TTF2: variants seen among roughly 807,000 people sequenced by gnomAD.
The protein encoded by TTF2 is RNA polymerase II termination factor.
Under a neutral mutation model 142.4 loss-of-function variants are expected in TTF2, and 108 were observed. The observed-to-expected ratio is 0.76, with a 90% CI of 0.65 to 0.89. The LOEUF is 0.89. TTF2 is among the 40% of genes least tolerant of loss of function. The probability of loss-of-function intolerance (pLI) is 0.00; values close to 1 mark genes in which losing one functional copy is unlikely to be tolerated. For synonymous variants in TTF2, 483 were observed against 506.2 expected, an observed-to-expected ratio of 0.95 and a Z score of 0.61; for missense variants, 1,327 against 1,379.8, an observed-to-expected ratio of 0.96 and a Z score of 0.61.
rs187913750 is a variant in TTF2, at chr1:117,081,354, C to T, written c.1784-474C>T. On this transcript the variant is annotated intron_variant, in intron 9 of 22. Coordinates refer to ENST00000369466, the MANE Select transcript of TTF2 (RefSeq NM_003594.4). Reference sequence around the variant, plus strand: ...ATAAGCTCAGTGATTGGTACAATGACAGTACCCAAGAAATGTTCATTTATG... The same window carrying T: ...ATAAGCTCAGTGATTGGTACAATGATAGTACCCAAGAAATGTTCATTTATG... Among the ~76,000 whole-genome samples the T allele has an allele frequency of 3.4e-4, 52 of 152,266 alleles. No individual in the cohort carries two copies. In the East Asian group the frequency reaches 8.1e-3, roughly 24 times the overall value.
rs1044792106 is a variant in TTF2 at position 117,098,842 on chromosome 1, A to G, written c.3279A>G (p.Ser1093=). Residue 1093 remains serine, a synonymous_variant, in exon 22 of 23, where the codon TCA becomes TCG. Transcript: ENST00000369466. ...LFLLDMHWNP[S]LEDQACDRIY... is the part of the protein sequence containing the mutation. ...AGCTGTCTTCTAACAGGAATCCATC[A>G]CTTGAAGATCAAGCTTGTGACCGAA... 1.2e-6 allele frequency: 2 copies of G among 1,611,454 alleles called. No homozygotes were observed. Among genetic ancestry groups the G allele is most frequent in the African/African-American group, 1.3e-5 (1 of 74,238 alleles).
In TTF2 at chr1:117,070,006, C is replaced by G. The variant is rs138889105; in HGVS notation, c.219-3655C>G. On this transcript the variant is annotated intron_variant, in intron 3 of 22. Transcript: ENST00000369466. The surrounding 1 kb of genome is among the most constrained non-coding windows in gnomAD (Gnocchi z 4.2). ...TGCGAAAATATATTTCCACTGCATT[C>G]TTTGTTGATTTACAATATAATAAAA... Among the ~76,000 whole-genome samples, 1 of 152,304 alleles carries G rather than the reference C, an allele frequency of 6.6e-6. No individual in the cohort carries two copies. Among genetic ancestry groups the G allele is most frequent in the African/African-American group, 2.4e-5 (1 of 41,568 alleles).
intron 3 of TTF2, among the ~76,000 whole-genome samples, chr1:117,072,664 C>T (rs1656690837): frequency 6.6e-6 from 1 of 152,052 alleles, no homozygotes; most frequent in African/African-American, 2.4e-5. Context: ...ATCTCGTGAT[C>T]CGCCCACCTC....
chr1:117,090,204 C>A lies in TTF2; in HGVS notation c.2492C>A (p.Pro831His), dbSNP rs1557825275. The A allele has an allele frequency of 6.2e-7, 1 of 1,613,668 alleles. No homozygotes were observed. Among genetic ancestry groups the A allele is most frequent in the East Asian group, 2.2e-5 (1 of 44,868 alleles). ...GACCAGCTGGACTCTACTGGCAGAC[C>A]TTTGGTAATCAAGTTTGTACCTGTC... ...TKDQLDSTGR[P>H]LVILPQRKFQ... The change falls in exon 14 of 23, where the codon CCT (proline) becomes CAT (histidine). Residue 831 changes from proline to histidine, a missense_variant. By Grantham distance (77) the Pro-to-His change is moderately conservative. Transcript: ENST00000369466. The surrounding 1 kb of genome is among the most constrained non-coding windows in gnomAD (Gnocchi z 4.8).
intron 12 of TTF2, among the ~76,000 whole-genome samples, chr1:117,088,226 A>G (rs1009391386): frequency 6.6e-6 from 1 of 152,188 alleles, no homozygotes; most frequent in Admixed American, 6.5e-5. Context: ...CCATTGCTTA[A>G]GTGTGTATTT....
At position 117,090,136 on chromosome 1, in the gene TTF2, G is replaced by T. The variant is rs776199118; in HGVS notation, c.2424G>T (p.Arg808=). The stretch of plus-strand genomic sequence containing the variant: ...ATGGCTCAAAGAAAGGAGGAGAACG[G>T]TTAAGTATTTTAACCAAGAGCCTTT... ...VDNGSKKGGE[R]LSILTKSLLL... The change falls in exon 14 of 23, where the codon CGG becomes CGT. Residue 808 remains arginine, a synonymous_variant. Coordinates refer to ENST00000369466, the MANE Select transcript of TTF2 (RefSeq NM_003594.4). The surrounding 1 kb of genome is among the most constrained non-coding windows in gnomAD (Gnocchi z 4.8). 1 of 1,614,158 alleles carries T rather than the reference G, an allele frequency of 6.2e-7. No homozygotes were observed. The highest frequency in any genetic ancestry group is 1.7e-5 in the Admixed American group (1 of 60,016).
intron 16 of TTF2, 52 bp from the exon 17 acceptor site, chr1:117,091,765 A>C: frequency 6.3e-7 from 1 of 1,579,044 alleles, no homozygotes; most frequent in Non-Finnish European, 8.6e-7. Context: ...CTCTCTCCGT[A>C]TTTCTCTTTT....
In TTF2 at chr1:117,097,518, T is replaced by C. The variant is rs541452260; in HGVS notation, c.3269+85T>C. The C allele has an allele frequency of 1.9e-4, 222 of 1,182,638 alleles. 2 individuals carry two copies. In the African/African-American group the frequency reaches 2.9e-3, roughly 15 times the overall value. 73.3% of individuals were successfully genotyped at this position (1,182,638 alleles called of 1,614,324 possible). A position where few individuals can be genotyped will look rare whatever the true frequency, so the allele number is the denominator to read the frequency against. On this transcript the variant is annotated intron_variant, in intron 21 of 22. Coordinates refer to ENST00000369466, the MANE Select transcript of TTF2 (RefSeq NM_003594.4). The surrounding 1 kb of genome is among the most constrained non-coding windows in gnomAD (Gnocchi z 4.1). ...AGGGGCAGCAAGAACTGACTTCTTA[T>C]GTTGATTGCTGTGTTCGTATTGCAG...
chr1:117,071,290 A>G (rs1247252613), intron 3 of TTF2, among the ~76,000 whole-genome samples: 2 of 152,158 alleles, frequency 1.3e-5, no homozygotes, highest in East Asian at 3.8e-4. Context: ...AAATAATGCA[A>G]CATCCCATAC....
At chr1:117,072,257 A>AG (rs1012373934) in intron 3 of TTF2, among the ~76,000 whole-genome samples, 1 of 152,072 alleles carries the variant, frequency 6.6e-6, no homozygotes, top group African/African-American at 2.4e-5. Context: ...GAAGTAAGAT[A>AG]GGGTACTGTA....
chr1:117,098,856 C>G lies in TTF2; in HGVS notation c.3293C>G (p.Ala1098Gly). Residue 1098 changes from alanine to glycine, a missense_variant, in exon 22 of 23, where the codon GCT (alanine) becomes GGT (glycine). By Grantham distance (60) the Ala-to-Gly change is moderately conservative. Transcript: ENST00000369466. ...MHWNPSLEDQ[A>G]CDRIYRVGQQ... The stretch of plus-strand genomic sequence containing the variant: ...AGGAATCCATCACTTGAAGATCAAG[C>G]TTGTGACCGAATTTACCGAGTAGGG... 2 of 1,612,198 alleles carry G rather than the reference C, an allele frequency of 1.2e-6. No individual in the cohort carries two copies. Among genetic ancestry groups the G allele is most frequent in the Admixed American group, 3.3e-5 (2 of 59,782 alleles).
rs989775508 is a variant in TTF2 at position 117,103,971 on chromosome 1, A to C, written c.*2447A>C. 7.2e-6 allele frequency: 1 copy of C among 139,758 alleles called. No homozygotes were observed. The highest frequency in any genetic ancestry group is 2.4e-4 in the South Asian group (1 of 4,196). 8.7% of individuals were successfully genotyped at this position (139,758 alleles called of 1,614,324 possible). Reference sequence around the variant, plus strand: ...CGTCTCAAAAAAAAAAAAAAAAAAAAAGAGAGAGAAAAAAATCCTTACTTT... The same window carrying C: ...CGTCTCAAAAAAAAAAAAAAAAAAACAGAGAGAGAAAAAAATCCTTACTTT... On this transcript the variant is annotated 3_prime_UTR_variant, in exon 23 of 23. Transcript: ENST00000369466.
At chr1:117,065,336 G>T (rs902386121) in intron 3 of TTF2, among the ~76,000 whole-genome samples, 1 of 152,132 alleles carries the variant, frequency 6.6e-6, no homozygotes, top group Non-Finnish European at 1.5e-5. Context: ...TGTCAGCTGG[G>T]CGCGGCAATC....
chr1:117,081,989 T>C (rs367571387), intron 10 of TTF2, 42 bp downstream of exon 10: 2 of 1,613,018 alleles, frequency 1.2e-6, no homozygotes, highest in Non-Finnish European at 1.7e-6. Context: ...CCCTACGTCA[T>C]TTGAGCCACC....
rs1453183973 is a variant in TTF2, at chr1:117,084,026, G to T, written c.1912G>T (p.Asp638Tyr). Reference protein sequence around the residue: ...LTWLSKDDSCDFTSHGTLIIC... With the variant: ...LTWLSKDDSCYFTSHGTLIIC... ...TTTTTTCCCTTCTCAAGACTCTTGT[G>T]ACTTTACTTCCCATGGAACACTAAT... is the stretch of plus-strand genomic sequence containing the variant. The change falls in exon 11 of 23, where the codon GAC (aspartate) becomes TAC (tyrosine). Residue 638 changes from aspartate (D) to tyrosine (Y), a missense_variant. Coordinates refer to ENST00000369466, the MANE Select transcript of TTF2 (RefSeq NM_003594.4). The T allele has an allele frequency of 6.2e-7, 1 of 1,614,090 alleles. No individual in the cohort carries two copies. Among genetic ancestry groups the T allele is most frequent in the Non-Finnish European group, 8.5e-7 (1 of 1,179,996 alleles).
intron 10 of TTF2, 157 bp downstream of exon 10, chr1:117,082,104 G>T (rs746683095): frequency 1.2e-5 from 13 of 1,091,778 alleles, no homozygotes; most frequent in Non-Finnish European, 1.8e-5. Context: ...CATTTCTGAT[G>T]CTGAGTATGC....
rs1404736785 is a variant in TTF2 at position 117,087,116 on chromosome 1, G to A, written c.2160+594G>A. The stretch of plus-strand genomic sequence containing the variant: ...ATCCCAAGAACTCATTTTTCTATAT[G>A]TTATCCTTTTAGCCCAACGGGATAT... On this transcript the variant is annotated intron_variant, in intron 12 of 22. Coordinates refer to ENST00000369466, the MANE Select transcript of TTF2 (RefSeq NM_003594.4). This position sits in a 1 kb window ranked among gnomAD's most constrained non-coding sequence, Gnocchi z 4.8. Among the ~76,000 whole-genome samples, 1 of 152,022 alleles carries A rather than the reference G, an allele frequency of 6.6e-6. No individual in the cohort carries two copies. The highest frequency in any genetic ancestry group is 1.5e-5 in the Non-Finnish European group (1 of 67,984).
intron 10 of TTF2, 167 bp downstream of exon 10, chr1:117,082,114 C>A: frequency 1.9e-6 from 2 of 1,046,298 alleles, no homozygotes; most frequent in Non-Finnish European, 2.8e-6. Flanking sequence ...GCTGAGTATG[C>A]TAATTATAAG....
rs765466891 is a variant in TTF2 at position 117,070,382 on chromosome 1, T to C, written c.219-3279T>C. Among the ~76,000 whole-genome samples the C allele has an allele frequency of 1.3e-5, 2 of 152,262 alleles. No homozygotes were observed. Among genetic ancestry groups the C allele is most frequent in the Non-Finnish European group, 2.9e-5 (2 of 68,032 alleles). ...AGAACTGTACAGTGTGTTACTTTACTGAATACTGCAGGCATTTGTAACACA... is the reference window on the plus strand; with the variant it reads ...AGAACTGTACAGTGTGTTACTTTACCGAATACTGCAGGCATTTGTAACACA... On this transcript the variant is annotated intron_variant, in intron 3 of 22. Transcript: ENST00000369466. This position sits in a 1 kb window ranked among gnomAD's most constrained non-coding sequence, Gnocchi z 4.2.
Sources: gnomAD v4.1 joint callset for allele counts (sites outside exome capture counted in the v4.1 genomes callset) on GRCh38, gnomAD v4.1.1 for gene constraint, Gnocchi (gnomAD v3.1) non-coding constraint, MANE v1.5 for transcripts, NCBI Gene and HGNC (gene_info 2026-07-23, HGNC 2026-07-21) for gene names.